The following PPFIA3 variants were observed in gnomAD, a reference collection of about 807,000 sequenced individuals.
PPFIA3 encodes the protein PPFI scaffold protein A3.
PPFIA3 carries 26 observed loss-of-function variants against 145.8 expected under a neutral mutation model. The ratio of observed to expected loss-of-function variants is 0.18; its 90% CI spans 0.13 to 0.25. The LOEUF (loss-of-function observed/expected upper bound fraction) is 0.25. PPFIA3 is among the 10% of genes least tolerant of loss of function. The pLI, the probability that PPFIA3 is intolerant of heterozygous loss-of-function variation, is 1.00. For synonymous variants in PPFIA3, 645 were observed against 661.4 expected (o/e 0.98, Z 0.38); for missense variants, 1,008 against 1,587.8 (o/e 0.63, Z 6.21).
Position 49,149,229 on chromosome 19 carries a change from A to G in PPFIA3, c.3286-28A>G. 6.2e-7 allele frequency: 1 copy of G among 1,614,108 alleles called. No homozygotes were observed. Among genetic ancestry groups the G allele is most frequent in the Non-Finnish European group, 8.5e-7 (1 of 1,179,990 alleles). ...CCCCACCTCGCAGACTGCACGCTCC[A>G]ACCGCCCCCTCCACCTCCTCTTTCC... is the stretch of plus-strand genomic sequence containing the variant. On this transcript the variant is annotated intron_variant, in intron 26 of 29. Transcript: ENST00000334186. The surrounding 1 kb of genome is among the most constrained non-coding windows in gnomAD (Gnocchi z 5.7).
At position 49,128,525 on chromosome 19, in the gene PPFIA3, G is replaced by A. The variant is rs2041032092; in HGVS notation, c.342+57G>A. The A allele has an allele frequency of 3.5e-6, 5 of 1,445,064 alleles. No individual in the cohort carries two copies. Among genetic ancestry groups the A allele is most frequent in the South Asian group, 1.2e-5 (1 of 86,828 alleles). The allele number at this position is 1,445,064 out of a possible 1,614,324, so 89.5% of individuals were successfully genotyped here. A position where few individuals can be genotyped will look rare whatever the true frequency, so the allele number is the denominator to read the frequency against. ...GGGCGGGGCCTCGTGGTGTTGAAGT[G>A]GGGGGCGGGGCCTCTCAGTGTTGCA... is the stretch of plus-strand genomic sequence containing the variant. On this transcript the variant is annotated intron_variant, in intron 3 of 29. Coordinates refer to ENST00000334186, the MANE Select transcript of PPFIA3 (RefSeq NM_003660.4). The surrounding 1 kb of genome is among the most constrained non-coding windows in gnomAD (Gnocchi z 4.1).
intron 16 of PPFIA3, among the ~76,000 whole-genome samples, chr19:49,138,723 A>G (rs921232515): frequency 6.6e-6 from 1 of 152,198 alleles, no homozygotes; most frequent in Non-Finnish European, 1.5e-5. Flanking sequence ...TAATCCCAGC[A>G]CTTCGGGAGG....
At chr19:49,146,216 G>C (rs779579800) in intron 23 of PPFIA3, 24 bp downstream of exon 23, 3 of 1,612,224 alleles carry the variant, frequency 1.9e-6, no homozygotes, top group East Asian at 2.2e-5. Context: ...GGCGGGGCGT[G>C]AGCGCATGAA....
intron 1 of PPFIA3, among the ~76,000 whole-genome samples, chr19:49,126,659 T>C (rs2041003635): frequency 6.8e-6 from 1 of 146,982 alleles, no homozygotes; most frequent in East Asian, 2.0e-4. Context: ...GAGGCAGGAG[T>C]TGGGCTGGCT....
intron 1 of PPFIA3, among the ~76,000 whole-genome samples, 183 bp from the exon 2 acceptor site, chr19:49,127,676 T>G (rs931866322): frequency 2.0e-5 from 3 of 151,876 alleles, no homozygotes; most frequent in African/African-American, 7.3e-5. Flanking sequence ...CCCGGTGGAG[T>G]GACAGGGTGG....
rs1197717393 is a variant in PPFIA3 at position 49,139,673 on chromosome 19, T to C, written c.2082T>C (p.His694=). The C allele has an allele frequency of 1.3e-6, 2 of 1,591,024 alleles. No individual in the cohort carries two copies. The highest frequency in any genetic ancestry group is 1.7e-6 in the Non-Finnish European group (2 of 1,169,044). Residue 694 remains histidine (H), a synonymous_variant, in exon 17 of 30, where the codon CAT becomes CAC. Transcript: ENST00000334186. The part of the protein sequence containing the change: ...PAREGTDKAN[H]VPKEEAGAPR... ...TCTGTGCCCTCTGTCCTCAGAATCATGTCCCTAAGGAGGAAGCTGGAGCTC... is the reference window on the plus strand; with the variant it reads ...TCTGTGCCCTCTGTCCTCAGAATCACGTCCCTAAGGAGGAAGCTGGAGCTC...
At chr19:49,144,672 C>A (rs2041260651) in intron 21 of PPFIA3, among the ~76,000 whole-genome samples, 1 of 151,898 alleles carries the variant, frequency 6.6e-6, no homozygotes, top group Non-Finnish European at 1.5e-5. Flanking sequence ...TGTGATTGTC[C>A]CACTGTACTG....
Position 49,149,369 on chromosome 19 carries a change from C to A in PPFIA3, c.3354+44C>A. The A allele has an allele frequency of 6.2e-7, 1 of 1,608,344 alleles. No homozygotes were observed. Among genetic ancestry groups the A allele is most frequent in the African/African-American group, 1.3e-5 (1 of 74,882 alleles). ...CAGAGGGCTCTGCTCCCAGCGGCTCCTCGAGAGGCTGAGCTGAGGGGGCGG... is the reference window on the plus strand; with the variant it reads ...CAGAGGGCTCTGCTCCCAGCGGCTCATCGAGAGGCTGAGCTGAGGGGGCGG... On this transcript the variant is annotated intron_variant, in intron 27 of 29. Transcript: ENST00000334186. This position sits in a 1 kb window ranked among gnomAD's most constrained non-coding sequence, Gnocchi z 5.7.
Position 49,141,625 on chromosome 19 carries a change from TGTGA to T in PPFIA3, c.2462+116_2462+119del, listed in dbSNP as rs544676186. ...GAGTGTGTGTGTGTGTGAGAGGGTG[TGTGA>T]GTGTGTGTGTGCAGCGGTGGTGGTG... On this transcript the variant is annotated intron_variant, in intron 19 of 29. Coordinates refer to ENST00000334186, the MANE Select transcript of PPFIA3 (RefSeq NM_003660.4). The T allele has an allele frequency of 1.3e-4, 102 of 775,098 alleles. 1 individual carries two copies. Among genetic ancestry groups the T allele is most frequent in the South Asian group, 1.1e-3 (57 of 51,396 alleles). 48.0% of individuals were successfully genotyped at this position (775,098 alleles called of 1,614,324 possible).
chr19:49,143,081 G>A, intron 21 of PPFIA3, 77 bp downstream of exon 21: 1 of 1,482,764 alleles, frequency 6.7e-7, no homozygotes, highest in Non-Finnish European at 9.2e-7. Flanking sequence ...CCAATCCTGG[G>A]CCTGCTCACT....
intron 11 of PPFIA3, 53 bp downstream of exon 11, chr19:49,134,218 C>T (rs1417563955): frequency 6.5e-7 from 1 of 1,547,240 alleles, no homozygotes; most frequent in African/African-American, 1.4e-5. Context: ...CTACCTCTTG[C>T]TGGAATCCTG....
chr19:49,124,212 T>A (rs1293401793), intron 1 of PPFIA3, among the ~76,000 whole-genome samples: 1 of 152,076 alleles, frequency 6.6e-6, no homozygotes, highest in Non-Finnish European at 1.5e-5. Flanking sequence ...GACCAGGTTA[T>A]GAGACTGGTT....
chr19:49,142,901 G>A lies in PPFIA3; in HGVS notation c.2642G>A (p.Arg881His). Residue 881 changes from arginine (R) to histidine (H), a missense_variant, in exon 21 of 30, where the codon CGC becomes CAC. Physicochemically the swap from Arg to His is conservative, Grantham distance 29. Around this residue, in one of 11 missense-constraint regions of PPFIA3, gnomAD observed 154 missense variants for 369.2 expected, o/e 0.42. Transcript: ENST00000334186. Reference sequence around the variant, plus strand: ...AACCTGTCAGACACGGAGATCCAGCGCGAGATCGGCATCAGCAACCCGCTG... The same window carrying A: ...AACCTGTCAGACACGGAGATCCAGCACGAGATCGGCATCAGCAACCCGCTG... ...MANLSDTEIQ[R>H]EIGISNPLHR... 1 of 1,613,816 alleles carries A rather than the reference G, an allele frequency of 6.2e-7. No individual in the cohort carries two copies. Among genetic ancestry groups the A allele is most frequent in the Non-Finnish European group, 8.5e-7 (1 of 1,180,014 alleles).
At chr19:49,146,238 C>T (rs1485379547) in intron 23 of PPFIA3, 46 bp downstream of exon 23, 1 of 1,603,830 alleles carries the variant, frequency 6.2e-7, no homozygotes. Flanking sequence ...AGGCTGTGCA[C>T]GACGCATGGA....
rs750019555 is a variant in PPFIA3, at chr19:49,149,199, G to GCA, written c.3285+31_3285+32insCA. 1.3e-5 allele frequency: 21 copies of GCA among 1,613,754 alleles called. No individual in the cohort carries two copies. ...CTGCCGCTGGGCCCGGAGCATGCTG[G>GCA]GCGTCCCCACCTCGCAGACTGCACG... On this transcript the variant is annotated intron_variant, in intron 26 of 29. Coordinates refer to ENST00000334186, the MANE Select transcript of PPFIA3 (RefSeq NM_003660.4). This position sits in a 1 kb window ranked among gnomAD's most constrained non-coding sequence, Gnocchi z 5.7.
In PPFIA3 at chr19:49,149,886, C is replaced by T; in HGVS notation, c.3526+168C>T. On this transcript the variant is annotated intron_variant, in intron 28 of 29. Transcript: ENST00000334186. This position sits in a 1 kb window ranked among gnomAD's most constrained non-coding sequence, Gnocchi z 5.7. Reference sequence around the variant, plus strand: ...CCGTCAGGATGAAATGGATAAATCCCACTCCCCCTTCCCAGGGCGGGAGTG... The same window carrying T: ...CCGTCAGGATGAAATGGATAAATCCTACTCCCCCTTCCCAGGGCGGGAGTG... 8.9e-7 allele frequency: 1 copy of T among 1,119,882 alleles called. No individual in the cohort carries two copies. The highest frequency in any genetic ancestry group is 2.6e-5 in the East Asian group (1 of 38,734). The allele number at this position is 1,119,882 out of a possible 1,614,324, so 69.4% of individuals were successfully genotyped here. A position where few individuals can be genotyped will look rare whatever the true frequency, so the allele number is the denominator to read the frequency against.
intron 1 of PPFIA3, among the ~76,000 whole-genome samples, chr19:49,126,867 C>A (rs967629879): frequency 6.6e-6 from 1 of 151,910 alleles, no homozygotes. Flanking sequence ...TTCACTCATA[C>A]GATACCAGGG....
intron 7 of PPFIA3, among the ~76,000 whole-genome samples, chr19:49,131,905 G>A (rs891149205): frequency 6.6e-6 from 1 of 151,870 alleles, no homozygotes; most frequent in African/African-American, 2.4e-5. Context: ...AGCTACTCGG[G>A]AGGCTGAGGC....
chr19:49,130,046 G>A lies in PPFIA3; in HGVS notation c.636G>A (p.Pro212=), dbSNP rs199751282. The change falls in exon 6 of 30, where the codon CCG becomes CCA. Residue 212 remains proline, a synonymous_variant. Coordinates refer to ENST00000334186, the MANE Select transcript of PPFIA3 (RefSeq NM_003660.4). The surrounding 1 kb of genome is among the most constrained non-coding windows in gnomAD (Gnocchi z 4.5). ...LSRRRSGLEE[P]GKDGDGQTLA... ...GGCGGCGGTCAGGGCTGGAAGAGCC[G>A]GGCAAGGATGGGGATGGGCAGGTGA... 13 of 1,612,894 alleles carry A rather than the reference G, an allele frequency of 8.1e-6. No individual in the cohort carries two copies. The highest frequency in any genetic ancestry group is 5.5e-5 in the South Asian group (5 of 91,022).
Sources: gnomAD v4.1 joint callset for allele counts (sites outside exome capture counted in the v4.1 genomes callset) on GRCh38, gnomAD v4.1.1 for gene constraint, gnomAD v4.1.1 regional missense constraint, Gnocchi (gnomAD v3.1) non-coding constraint, MANE v1.5 for transcripts, NCBI Gene and HGNC (gene_info 2026-07-23, HGNC 2026-07-21) for gene names.